Variants in KLF6 observed in about 807,000 individuals in gnomAD.
KLF6 encodes the protein Krueppel-like factor 6.
For synonymous variants in KLF6, 152 were observed against 147.9 expected, an observed-to-expected ratio of 1.03 and a Z score of -0.20; for missense variants, 233 against 359.8, an observed-to-expected ratio of 0.65 and a Z score of 2.85.
Position 3,778,003 on chromosome 10 carries a change from T to A in KLF6, c.*1536A>T. On this transcript the variant is annotated 3_prime_UTR_variant, in exon 4 of 4. Transcript: ENST00000497571. ...GCCGGTGTGTGATCTATACAATTGTTGTGCAAGGTCTATATGAAAGTCTCA... is the reference window on the plus strand; with the variant it reads ...GCCGGTGTGTGATCTATACAATTGTAGTGCAAGGTCTATATGAAAGTCTCA... 1 of 505,684 alleles carries A rather than the reference T, an allele frequency of 2.0e-6. No individual in the cohort carries two copies. Among genetic ancestry groups the A allele is most frequent in the East Asian group, 4.5e-5 (1 of 22,378 alleles). The allele number at this position is 505,684 out of a possible 1,614,324, so 31.3% of individuals were successfully genotyped here.
Position 3,785,063 on chromosome 10 carries a change from G to C in KLF6, c.-49C>G. 1 of 1,606,890 alleles carries C rather than the reference G, an allele frequency of 6.2e-7. No homozygotes were observed. Among genetic ancestry groups the C allele is most frequent in the Non-Finnish European group, 8.5e-7 (1 of 1,177,340 alleles). The stretch of plus-strand genomic sequence containing the variant: ...CGCGGTCGCGAGGGCGGCGAGGCGC[G>C]CGGTGGGAGCCGGAGCCGAAAGTCT... On this transcript the variant is annotated 5_prime_UTR_variant, in exon 1 of 4. Transcript: ENST00000497571.
At position 3,776,931 on chromosome 10, in the gene KLF6, C is replaced by CCTTTTTTTTTTTTTTTTTTTTTTTTT; in HGVS notation, c.*2607_*2608insAAAAAAAAAAAAAAAAAAAAAAAAAG. ...CAAGCCAGTGCAAGTTTTTTTTTTT[C>CCTTTTTTTTTTTTTTTTTTTTTTTTT]CTTTTTTTTTTTTTGTCTTTTGCTT... On this transcript the variant is annotated 3_prime_UTR_variant, in exon 4 of 4. Coordinates refer to ENST00000497571, the MANE Select transcript of KLF6 (RefSeq NM_001300.6). 1 of 457,042 alleles carries CCTTTTTTTTTTTTTTTTTTTTTTTTT rather than the reference C, an allele frequency of 2.2e-6. No homozygotes were observed. Among genetic ancestry groups the CCTTTTTTTTTTTTTTTTTTTTTTTTT allele is most frequent in the Non-Finnish European group, 4.2e-6 (1 of 237,060 alleles). 28.3% of individuals were successfully genotyped at this position (457,042 alleles called of 1,614,324 possible). A position where few individuals can be genotyped will look rare whatever the true frequency, so the allele number is the denominator to read the frequency against.
At chr10:3,779,777 G>T (rs1047062543) in intron 3 of KLF6, among the ~76,000 whole-genome samples, 187 bp from the exon 4 acceptor site, 1 of 152,236 alleles carries the variant, frequency 6.6e-6, no homozygotes, top group African/African-American at 2.4e-5. Flanking sequence ...TGTGAATTAA[G>T]AATGTCCCCC....
chr10:3,782,321 G>T lies in KLF6; in HGVS notation c.103-107C>A. ...AGAATGAAGGACAGATAACATTGCT[G>T]CCCGGTCACTACAGGGGCAAAACCT... On this transcript the variant is annotated intron_variant, in intron 1 of 3. Coordinates refer to ENST00000497571, the MANE Select transcript of KLF6 (RefSeq NM_001300.6). This position sits in a 1 kb window ranked among gnomAD's most constrained non-coding sequence, Gnocchi z 4.3. The T allele has an allele frequency of 2.2e-6, 2 of 902,102 alleles. No individual in the cohort carries two copies. The highest frequency in any genetic ancestry group is 1.8e-6 in the Non-Finnish European group (1 of 562,470). 55.9% of individuals were successfully genotyped at this position (902,102 alleles called of 1,614,324 possible). A position where few individuals can be genotyped will look rare whatever the true frequency, so the allele number is the denominator to read the frequency against.
rs1832436028 is a variant in KLF6, at chr10:3,778,128, G to A, written c.*1411C>T. On this transcript the variant is annotated 3_prime_UTR_variant, in exon 4 of 4. Coordinates refer to ENST00000497571, the MANE Select transcript of KLF6 (RefSeq NM_001300.6). ...GTTGAACAAATACTGACATGTAAAG[G>A]GAGTTTCACTCTATGTCTTTGTGAA... 1.9e-6 allele frequency: 1 copy of A among 517,998 alleles called. No individual in the cohort carries two copies. Among genetic ancestry groups the A allele is most frequent in the Non-Finnish European group, 3.8e-6 (1 of 266,070 alleles). 32.1% of individuals were successfully genotyped at this position (517,998 alleles called of 1,614,324 possible).
chr10:3,784,026 G>A (rs1832591744), intron 1 of KLF6, among the ~76,000 whole-genome samples: 1 of 152,170 alleles, frequency 6.6e-6, no homozygotes. Flanking sequence ...AAGCTTTCGA[G>A]GCTTGGAAAC....
rs1269640452 is a variant in KLF6, at chr10:3,780,554, C to T, written c.677-325G>A. ...TGTCAGCCTGCCGGACCCACAGCCC[C>T]GGCAAAGGCAGAGCTATTGCTTTCT... is the stretch of plus-strand genomic sequence containing the variant. On this transcript the variant is annotated intron_variant, in intron 2 of 3. Coordinates refer to ENST00000497571, the MANE Select transcript of KLF6 (RefSeq NM_001300.6). This position sits in a 1 kb window ranked among gnomAD's most constrained non-coding sequence, Gnocchi z 4.6. 1.2e-5 allele frequency: 5 copies of T among 422,012 alleles called. No individual in the cohort carries two copies. Among genetic ancestry groups the T allele is most frequent in the Admixed American group, 7.0e-5 (2 of 28,394 alleles). The allele number at this position is 422,012 out of a possible 1,614,324, so 26.1% of individuals were successfully genotyped here. A position where few individuals can be genotyped will look rare whatever the true frequency, so the allele number is the denominator to read the frequency against.
rs954185770 is a variant in KLF6 at position 3,779,350 on chromosome 10, G to C, written c.*189C>G. 1.0e-5 allele frequency: 7 copies of C among 685,216 alleles called. No individual in the cohort carries two copies. The African/African-American group carries it at 1.2e-4, about 12-fold the overall frequency. The allele number at this position is 685,216 out of a possible 1,614,324, so 42.4% of individuals were successfully genotyped here. A position where few individuals can be genotyped will look rare whatever the true frequency, so the allele number is the denominator to read the frequency against. On this transcript the variant is annotated 3_prime_UTR_variant, in exon 4 of 4. Transcript: ENST00000497571. Reference sequence around the variant, plus strand: ...GAGTCCAGGGTCACCCACATACCATGCACCACGGGTGCTATGCCGCTTCTT... The same window carrying C: ...GAGTCCAGGGTCACCCACATACCATCCACCACGGGTGCTATGCCGCTTCTT...
In KLF6 at chr10:3,779,245, C is replaced by A. The variant is rs1334944135; in HGVS notation, c.*294G>T. On this transcript the variant is annotated 3_prime_UTR_variant, in exon 4 of 4. Transcript: ENST00000497571. ...CAGTAATAGATCCTCAACATACAAT[C>A]AACCCAACCATTAGCATTCTCAGTG... 4 of 595,286 alleles carry A rather than the reference C, an allele frequency of 6.7e-6. No homozygotes were observed. The highest frequency in any genetic ancestry group is 1.3e-5 in the Non-Finnish European group (4 of 316,920). The allele number at this position is 595,286 out of a possible 1,614,324, so 36.9% of individuals were successfully genotyped here.
rs1259022945 is a variant in KLF6, at chr10:3,785,157, C to G, written c.-143G>C. Reference sequence around the variant, plus strand: ...AGAGACGCCCGGCCGGACCCTCCCGCAGCCCGCAGCGCGCGGAGCCCACAC... The same window carrying G: ...AGAGACGCCCGGCCGGACCCTCCCGGAGCCCGCAGCGCGCGGAGCCCACAC... On this transcript the variant is annotated 5_prime_UTR_variant, in exon 1 of 4. Transcript: ENST00000497571. 2.7e-6 allele frequency: 4 copies of G among 1,498,064 alleles called. No individual in the cohort carries two copies. In the African/African-American group the frequency reaches 5.5e-5, roughly 21 times the overall value. The allele number at this position is 1,498,064 out of a possible 1,614,324, so 92.8% of individuals were successfully genotyped here.
chr10:3,780,025 G>A lies in KLF6; in HGVS notation c.800+81C>T, dbSNP rs967160785. On this transcript the variant is annotated intron_variant, in intron 3 of 3. Transcript: ENST00000497571. The surrounding 1 kb of genome is among the most constrained non-coding windows in gnomAD (Gnocchi z 4.6). ...AAACTGCATGCCTTCCTTCGAATGTGCCCTGCACACCTACTCAACCCTGGT... is the reference window on the plus strand; with the variant it reads ...AAACTGCATGCCTTCCTTCGAATGTACCCTGCACACCTACTCAACCCTGGT... 40 of 1,546,106 alleles carry A rather than the reference G, an allele frequency of 2.6e-5. No homozygotes were observed. In the African/African-American group the frequency reaches 4.3e-4, roughly 17 times the overall value.
intron 3 of KLF6, 34 bp from the exon 4 acceptor site, chr10:3,779,624 A>G: frequency 6.2e-7 from 1 of 1,606,650 alleles, no homozygotes; most frequent in Non-Finnish European, 8.5e-7. Flanking sequence ...AGAAGAAGTT[A>G]GGTTCCCATC....
chr10:3,781,240 C>A lies in KLF6; in HGVS notation c.676+401G>T. The A allele has an allele frequency of 1.9e-6, 1 of 534,100 alleles. No individual in the cohort carries two copies. The highest frequency in any genetic ancestry group is 3.2e-6 in the Non-Finnish European group (1 of 315,744). The allele number at this position is 534,100 out of a possible 1,614,324, so 33.1% of individuals were successfully genotyped here. ...TCAAACCCACACACTCCACGCTGCCCAGCAACCCTCTGTCCTGACCCTTGA... is the reference window on the plus strand; with the variant it reads ...TCAAACCCACACACTCCACGCTGCCAAGCAACCCTCTGTCCTGACCCTTGA... On this transcript the variant is annotated intron_variant, in intron 2 of 3. Coordinates refer to ENST00000497571, the MANE Select transcript of KLF6 (RefSeq NM_001300.6). This position sits in a 1 kb window ranked among gnomAD's most constrained non-coding sequence, Gnocchi z 5.8.
chr10:3,781,666 C>T lies in KLF6; in HGVS notation c.651G>A (p.Leu217=), dbSNP rs1009193728. The change falls in exon 2 of 4, where the codon TTG becomes TTA. Residue 217 remains leucine, a synonymous_variant. Transcript: ENST00000497571. This position sits in a 1 kb window ranked among gnomAD's most constrained non-coding sequence, Gnocchi z 5.8. The stretch of plus-strand genomic sequence containing the variant: ...CTGTGTGCGTCCGCTGGTGTGCTTT[C>T]AAGTGGGAGCTTTTGGTGTAAACTT... ...CRKVYTKSSH[L]KAHQRTHTGE... is the part of the protein sequence containing the mutation. 1.2e-6 allele frequency: 2 copies of T among 1,612,972 alleles called. No individual in the cohort carries two copies. Among genetic ancestry groups the T allele is most frequent in the Admixed American group, 1.7e-5 (1 of 59,946 alleles).
At position 3,780,456 on chromosome 10, in the gene KLF6, C is replaced by T; in HGVS notation, c.677-227G>A. 1 of 603,066 alleles carries T rather than the reference C, an allele frequency of 1.7e-6. No homozygotes were observed. The highest frequency in any genetic ancestry group is 1.8e-5 in the South Asian group (1 of 55,538). The allele number at this position is 603,066 out of a possible 1,614,324, so 37.4% of individuals were successfully genotyped here. On this transcript the variant is annotated intron_variant, in intron 2 of 3. Coordinates refer to ENST00000497571, the MANE Select transcript of KLF6 (RefSeq NM_001300.6). The surrounding 1 kb of genome is among the most constrained non-coding windows in gnomAD (Gnocchi z 4.6). ...CAAGGGACACAGCTTCAGCCAAGCC[C>T]ATGGTGCTGTCATCAAAGTTAACGT...
chr10:3,780,503 A>G lies in KLF6; in HGVS notation c.677-274T>C. On this transcript the variant is annotated intron_variant, in intron 2 of 3. Coordinates refer to ENST00000497571, the MANE Select transcript of KLF6 (RefSeq NM_001300.6). This position sits in a 1 kb window ranked among gnomAD's most constrained non-coding sequence, Gnocchi z 4.6. ...ACGTGGAAGAACGACCACGACTCAG[A>G]CCAGCAAAATGCTTGCGGGATGAGG... is the stretch of plus-strand genomic sequence containing the variant. The G allele has an allele frequency of 2.0e-6, 1 of 505,946 alleles. No individual in the cohort carries two copies. 31.3% of individuals were successfully genotyped at this position (505,946 alleles called of 1,614,324 possible).
rs772621432 is a variant in KLF6, at chr10:3,778,497, C to T, written c.*1042G>A. 4.2e-4 allele frequency: 222 copies of T among 524,198 alleles called. 3 individuals are homozygous for T. The Middle Eastern group carries it at 4.8e-3, about 11-fold the overall frequency. The allele number at this position is 524,198 out of a possible 1,614,324, so 32.5% of individuals were successfully genotyped here. On this transcript the variant is annotated 3_prime_UTR_variant, in exon 4 of 4. Transcript: ENST00000497571. Reference sequence around the variant, plus strand: ...AGCCCCAGCTTTGTGACACTCAATACGTGTCCAATTTCTTCTAAGGGCATC... The same window carrying T: ...AGCCCCAGCTTTGTGACACTCAATATGTGTCCAATTTCTTCTAAGGGCATC...
chr10:3,785,179 A>G lies in KLF6; in HGVS notation c.-165T>C. The G allele has an allele frequency of 7.0e-7, 1 of 1,429,204 alleles. No individual in the cohort carries two copies. The highest frequency in any genetic ancestry group is 9.5e-7 in the Non-Finnish European group (1 of 1,050,874). The allele number at this position is 1,429,204 out of a possible 1,614,324, so 88.5% of individuals were successfully genotyped here. On this transcript the variant is annotated 5_prime_UTR_variant, in exon 1 of 4. Transcript: ENST00000497571. Reference sequence around the variant, plus strand: ...CCGCAGCCCGCAGCGCGCGGAGCCCACACAATATTTGCAAACACCGGACTG... The same window carrying G: ...CCGCAGCCCGCAGCGCGCGGAGCCCGCACAATATTTGCAAACACCGGACTG...
At position 3,780,795 on chromosome 10, in the gene KLF6, T is replaced by C. The variant is rs1286176747; in HGVS notation, c.677-566A>G. On this transcript the variant is annotated intron_variant, in intron 2 of 3. Transcript: ENST00000497571. The surrounding 1 kb of genome is among the most constrained non-coding windows in gnomAD (Gnocchi z 4.6). ...CTTGGTCAAATCATAAATATGAATT[T>C]ACTACAAGTGCTACCTGAGAAAACA... 5.5e-6 allele frequency: 1 copy of C among 181,446 alleles called. No homozygotes were observed. The highest frequency in any genetic ancestry group is 1.2e-5 in the Non-Finnish European group (1 of 83,536). 11.2% of individuals were successfully genotyped at this position (181,446 alleles called of 1,614,324 possible).
Sources: allele counts gnomAD v4.1 joint callset (sites outside exome capture counted in the v4.1 genomes callset), GRCh38; gene constraint gnomAD v4.1.1; non-coding constraint Gnocchi (gnomAD v3.1); transcripts MANE v1.5; gene names NCBI Gene and HGNC (gene_info 2026-07-23, HGNC 2026-07-21).